USP3: variants seen among roughly 807,000 people sequenced by gnomAD.
The protein encoded by USP3 is ubiquitin carboxyl-terminal hydrolase 3.
USP3 carries 20 observed loss-of-function variants against 72.3 expected under a neutral mutation model. That is an observed-to-expected ratio of 0.28 (90% CI 0.19 to 0.40). The LOEUF (loss-of-function observed/expected upper bound fraction) is 0.40. Ranked by LOEUF, USP3 falls within the 10% of genes least tolerant of loss-of-function variation. The pLI, the probability that USP3 is intolerant of heterozygous loss-of-function variation, is 1.00. For missense variants in USP3, 479 were observed against 633.9 expected (o/e 0.76, Z 2.62); for synonymous variants, 222 against 225.3 (o/e 0.99, Z 0.13).
chr15:63,568,352 TAAAAAAAAAA>T (rs545943861), intron 8 of USP3, among the ~76,000 whole-genome samples: 1 of 131,484 alleles, frequency 7.6e-6, no homozygotes, highest in African/African-American at 2.9e-5. Flanking sequence ...AGACTCCATC[TAAAAAAAAAA>T]AAAAAAAAAA....
chr15:63,563,641 G>A (rs1171805035), intron 8 of USP3, among the ~76,000 whole-genome samples: 2 of 152,152 alleles, frequency 1.3e-5, no homozygotes, highest in Non-Finnish European at 2.9e-5. Context: ...GGTGATAGCA[G>A]CTTTGAGGCA....
chr15:63,586,304 G>C (rs895455904), intron 11 of USP3, among the ~76,000 whole-genome samples: 6 of 152,198 alleles, frequency 3.9e-5, no homozygotes, highest in Non-Finnish European at 8.8e-5. Flanking sequence ...GATATTCACT[G>C]TGGGTTTTCA....
intron 3 of USP3, among the ~76,000 whole-genome samples, chr15:63,552,384 T>A (rs577624416): frequency 2.0e-5 from 3 of 152,360 alleles, no homozygotes; most frequent in African/African-American, 7.2e-5. Context: ...TTAAAACTTT[T>A]CACTAATTTA....
intron 11 of USP3, among the ~76,000 whole-genome samples, chr15:63,582,082 G>C (rs545833439): frequency 6.6e-6 from 1 of 152,306 alleles, no homozygotes; most frequent in Non-Finnish European, 1.5e-5. Context: ...TCCCTTATAA[G>C]CTTATCATTC....
At chr15:63,560,260 A>G (rs1177461396) in intron 7 of USP3, among the ~76,000 whole-genome samples, 2 of 151,956 alleles carry the variant, frequency 1.3e-5, no homozygotes, top group African/African-American at 4.8e-5. Context: ...TACTAAATAT[A>G]CAAAAATTAG....
chr15:63,570,689 TG>T lies in USP3; in HGVS notation c.908+112del. ...GTAGAGGGGTTTCTTGGACATTTGC[TG>T]GAACTTTTCGTGCCCTTGAACTTTG... is the stretch of plus-strand genomic sequence containing the variant. On this transcript the variant is annotated intron_variant, in intron 9 of 14. Coordinates refer to ENST00000380324, the MANE Select transcript of USP3 (RefSeq NM_006537.4). This position sits in a 1 kb window ranked among gnomAD's most constrained non-coding sequence, Gnocchi z 4.4. The T allele has an allele frequency of 3.4e-6, 5 of 1,484,392 alleles. No individual in the cohort carries two copies. The highest frequency in any genetic ancestry group is 4.5e-6 in the Non-Finnish European group (5 of 1,111,922). The allele number at this position is 1,484,392 out of a possible 1,614,324, so 92.0% of individuals were successfully genotyped here.
chr15:63,572,217 TGA>T (rs1487809905), intron 9 of USP3, among the ~76,000 whole-genome samples: 2 of 152,198 alleles, frequency 1.3e-5, no homozygotes, highest in Non-Finnish European at 2.9e-5. Context: ...GCTAAAATCT[TGA>T]TGAGTATCCA....
At chr15:63,581,550 ATTTTTTTTTTTT>A (rs56376454) in intron 11 of USP3, among the ~76,000 whole-genome samples, 2 of 107,504 alleles carry the variant, frequency 1.9e-5, no homozygotes, top group African/African-American at 7.6e-5. Flanking sequence ...CACCCGGCTA[ATTTTTTTTTTTT>A]TTTTTTTTTT....
At chr15:63,534,274 G>C (rs536425117) in intron 2 of USP3, among the ~76,000 whole-genome samples, 5 of 152,166 alleles carry the variant, frequency 3.3e-5, no homozygotes, top group African/African-American at 9.6e-5. Flanking sequence ...GTAATCCCAG[G>C]TGTTGATTGC....
At chr15:63,542,797 TC>T (rs1567105593) in intron 3 of USP3, among the ~76,000 whole-genome samples, 1 of 150,412 alleles carries the variant, frequency 6.6e-6, no homozygotes, top group Non-Finnish European at 1.5e-5. Context: ...ATACTTCCTG[TC>T]ATCATTTACA....
chr15:63,542,415 G>T (rs1483900589), intron 3 of USP3, among the ~76,000 whole-genome samples: 3 of 151,784 alleles, frequency 2.0e-5, no homozygotes, highest in Non-Finnish European at 2.9e-5. Flanking sequence ...CCTTAAGATA[G>T]AAATCTAACA....
At chr15:63,578,537 G>A (rs1426606915) in intron 11 of USP3, among the ~76,000 whole-genome samples, 5 of 150,564 alleles carry the variant, frequency 3.3e-5, no homozygotes, top group Admixed American at 6.6e-5. Context: ...GTGTGAACCC[G>A]GGAGGCAGAG....
rs371255525 is a variant in USP3 at position 63,588,691 on chromosome 15, C to G, written c.1216-11C>G. ...GTGTTCACAATCTTTGACCGCATCT[C>G]TGTCCTCCAGGTGCTATGCTTACAT... On this transcript the variant is annotated splice_polypyrimidine_tract_variant and intron_variant, in intron 12 of 14. Coordinates refer to ENST00000380324, the MANE Select transcript of USP3 (RefSeq NM_006537.4). This position sits in a 1 kb window ranked among gnomAD's most constrained non-coding sequence, Gnocchi z 4.6. The G allele has an allele frequency of 1.3e-6, 2 of 1,595,398 alleles. No homozygotes were observed. Among genetic ancestry groups the G allele is most frequent in the African/African-American group, 2.7e-5 (2 of 74,434 alleles).
chr15:63,537,896 G>T (rs979572539), intron 3 of USP3, among the ~76,000 whole-genome samples: 1 of 152,008 alleles, frequency 6.6e-6, no homozygotes, highest in Non-Finnish European at 1.5e-5. Context: ...TGTTGGTCAG[G>T]TTGGTCTCGT....
chr15:63,581,059 G>C (rs1352362812), intron 11 of USP3, among the ~76,000 whole-genome samples: 1 of 152,056 alleles, frequency 6.6e-6, no homozygotes, highest in Non-Finnish European at 1.5e-5. Context: ...GCCTGCCTCG[G>C]CCTCCCAAAA....
intron 1 of USP3, among the ~76,000 whole-genome samples, chr15:63,518,890 T>C (rs1296216691): frequency 6.6e-6 from 1 of 152,002 alleles, no homozygotes; most frequent in African/African-American, 2.4e-5. Context: ...CTCAGCCTCC[T>C]GAGTAGCTGG....
intron 2 of USP3, chr15:63,533,900 C>T: frequency 8.5e-7 from 1 of 1,177,400 alleles, no homozygotes; most frequent in Non-Finnish European, 1.1e-6. Flanking sequence ...AGACAGATTC[C>T]TCTCCTAGAT....
At chr15:63,587,879 G>GCC (rs2067106161) in intron 11 of USP3, 19 of 154,142 alleles carry the variant, frequency 1.2e-4, no homozygotes, top group Admixed American at 6.4e-4. Flanking sequence ...GGTTGATAGT[G>GCC]TAGCCTTCTG....
chr15:63,584,529 T>C (rs1479875717), intron 11 of USP3, among the ~76,000 whole-genome samples: 1 of 152,264 alleles, frequency 6.6e-6, no homozygotes, highest in Non-Finnish European at 1.5e-5. Context: ...TGCATTTCCC[T>C]AGTAATTGTG....
Sources: allele counts gnomAD v4.1 joint callset (sites outside exome capture counted in the v4.1 genomes callset), GRCh38; gene constraint gnomAD v4.1.1; non-coding constraint Gnocchi (gnomAD v3.1); transcripts MANE v1.5; gene names NCBI Gene and HGNC (gene_info 2026-07-23, HGNC 2026-07-21).